CSMD1: variants seen among roughly 807,000 people sequenced by gnomAD.
CSMD1 encodes the protein CUB and Sushi multiple domains 1.
In CSMD1, 213 loss-of-function variants were observed where a neutral mutation model predicts 417.5. The observed-to-expected ratio is 0.51, with a 90% CI of 0.46 to 0.57. The LOEUF is 0.57. Among genes scored for constraint, CSMD1 ranks in the 20% least tolerant of loss-of-function variants. The pLI is 0.00. For synonymous variants in CSMD1, 2,862 were observed against 1,736.8 expected, an observed-to-expected ratio of 1.65 and a Z score of -16.11; for missense variants, 6,923 against 4,529.7, an observed-to-expected ratio of 1.53 and a Z score of -15.17.
intron 16 of CSMD1, among the ~76,000 whole-genome samples, chr8:3,396,671 A>G (rs902303525): frequency 6.6e-6 from 1 of 152,174 alleles, no homozygotes. Flanking sequence ...GAACCAGATT[A>G]GTTTTCTTAG....
At chr8:3,327,021 G>GA (rs372600698) in intron 23 of CSMD1, among the ~76,000 whole-genome samples, 2,262 of 144,582 alleles carry the variant, frequency 0.016, 43 homozygotes, top group African/African-American at 0.043. Flanking sequence ...CCACTAAAAG[G>GA]AAAAAAAAAA....
At chr8:3,716,629 T>A (rs1801857713) in intron 6 of CSMD1, among the ~76,000 whole-genome samples, 1 of 152,172 alleles carries the variant, frequency 6.6e-6, no homozygotes. Flanking sequence ...CTTTATGGCC[T>A]GTGTCTTGTG....
At chr8:3,765,353 G>C (rs1208282136) in intron 5 of CSMD1, among the ~76,000 whole-genome samples, 2 of 152,076 alleles carry the variant, frequency 1.3e-5, no homozygotes, top group Non-Finnish European at 2.9e-5. Context: ...CCCTTCCAGA[G>C]ACCTTTCTCT....
chr8:4,448,482 G>A (rs1476934767), intron 2 of CSMD1, among the ~76,000 whole-genome samples: 5 of 152,164 alleles, frequency 3.3e-5, no homozygotes, highest in South Asian at 2.1e-4. Context: ...CCAGACAACA[G>A]CAGAAAGGAA....
chr8:3,327,067 G>T (rs1368945245), intron 23 of CSMD1, among the ~76,000 whole-genome samples: 2 of 151,054 alleles, frequency 1.3e-5, no homozygotes, highest in Non-Finnish European at 2.9e-5. Context: ...GGTTGGCAAG[G>T]ATTCAATCAC....
chr8:4,469,025 A>G (rs576028874), intron 2 of CSMD1, among the ~76,000 whole-genome samples: 62 of 152,324 alleles, frequency 4.1e-4, no homozygotes, highest in African/African-American at 1.4e-3. Context: ...AGTTCAAAAG[A>G]CAATGCTATA....
At chr8:3,143,278 T>C (rs1439518132) in intron 40 of CSMD1, among the ~76,000 whole-genome samples, 1 of 152,226 alleles carries the variant, frequency 6.6e-6, no homozygotes, top group Non-Finnish European at 1.5e-5. Context: ...AGTTTATTAG[T>C]TTAGCAAGCG....
At chr8:3,604,568 A>G (rs1228550590) in intron 8 of CSMD1, among the ~76,000 whole-genome samples, 1 of 152,202 alleles carries the variant, frequency 6.6e-6, no homozygotes, top group African/African-American at 2.4e-5. Context: ...CTCTAACTTT[A>G]TAAGTATATG....
chr8:3,115,780 T>G (rs1024546397), intron 42 of CSMD1, among the ~76,000 whole-genome samples: 23 of 152,220 alleles, frequency 1.5e-4, no homozygotes, highest in African/African-American at 4.8e-4. Flanking sequence ...CCTTGGGATT[T>G]AGAATTATTT....
intron 37 of CSMD1, among the ~76,000 whole-genome samples, chr8:3,172,140 G>T (rs1205137538): frequency 6.6e-6 from 1 of 152,130 alleles, no homozygotes; most frequent in East Asian, 1.9e-4. Flanking sequence ...AATAAATCCT[G>T]GGCTACAACG....
At chr8:4,974,046 A>T (rs988049618) in intron 1 of CSMD1, among the ~76,000 whole-genome samples, 1 of 152,044 alleles carries the variant, frequency 6.6e-6, no homozygotes, top group African/African-American at 2.4e-5. Context: ...TTTTAGACAG[A>T]GTCTCACCCT....
intron 1 of CSMD1, among the ~76,000 whole-genome samples, chr8:4,778,561 T>C (rs531316390): frequency 1.4e-4 from 21 of 152,310 alleles, no homozygotes; most frequent in Non-Finnish European, 2.5e-4. Flanking sequence ...TACTTCCCGC[T>C]AGGAAGATCA....
In CSMD1 at chr8:4,009,665, G is replaced by A. The variant is rs140287673; in HGVS notation, c.611-11555C>T. ...ACCCACATATGTAATATAATAGCTT[G>A]TAATACTGGGAGATATTATTGAGGA... On this transcript the variant is annotated intron_variant, in intron 4 of 69. Coordinates refer to ENST00000635120, the MANE Select transcript of CSMD1 (RefSeq NM_033225.6). Among the ~76,000 whole-genome samples the A allele has an allele frequency of 6.5e-3, 992 of 152,266 alleles. 14 individuals are homozygous for A. The highest frequency in any genetic ancestry group is 0.023 in the African/African-American group (954 of 41,538).
chr8:3,322,031 G>A (rs920320993), intron 23 of CSMD1, among the ~76,000 whole-genome samples: 17 of 152,182 alleles, frequency 1.1e-4, no homozygotes, highest in African/African-American at 2.9e-4. Context: ...GTGGAAATGT[G>A]TGGTGACGTA....
chr8:4,875,006 C>T (rs1802960835), intron 1 of CSMD1, among the ~76,000 whole-genome samples: 1 of 149,212 alleles, frequency 6.7e-6, no homozygotes, highest in African/African-American at 2.5e-5. Context: ...CCCTTCTTTT[C>T]TTCCTTTTCT....
At chr8:3,917,344 T>C (rs1467047143) in intron 5 of CSMD1, among the ~76,000 whole-genome samples, 1 of 152,082 alleles carries the variant, frequency 6.6e-6, no homozygotes, top group Admixed American at 6.6e-5. Flanking sequence ...TTTGCAAATA[T>C]ACAGTCCACT....
rs76711460 is a variant in CSMD1, at chr8:4,757,502, C to G, written c.86-119944G>C. ...ATAATGAGTACCGCAGCTAGGCACACTGCAAGAGGGAGAACTGGGATTTGC... is the reference window on the plus strand; with the variant it reads ...ATAATGAGTACCGCAGCTAGGCACAGTGCAAGAGGGAGAACTGGGATTTGC... On this transcript the variant is annotated intron_variant, in intron 1 of 69. Transcript: ENST00000635120. Among the ~76,000 whole-genome samples, 308 of 152,270 alleles carry G rather than the reference C, an allele frequency of 2.0e-3. 6 individuals carry two copies. In the East Asian group the frequency reaches 0.051, roughly 25 times the overall value.
Position 4,703,839 on chromosome 8 carries a change from G to A in CSMD1, c.86-66281C>T, listed in dbSNP as rs547476893. Among the ~76,000 whole-genome samples, 3 of 152,270 alleles carry A rather than the reference G, an allele frequency of 2.0e-5. No individual in the cohort carries two copies. The East Asian group carries it at 5.8e-4, about 29-fold the overall frequency. On this transcript the variant is annotated intron_variant, in intron 1 of 69. Transcript: ENST00000635120. ...CCAGCATTTTTGGCACCAGGGACCA[G>A]TTCTCTGGCAGACAATTTTTCCATG...
At chr8:3,384,662 A>T (rs1448681707) in intron 18 of CSMD1, among the ~76,000 whole-genome samples, 4 of 136,532 alleles carry the variant, frequency 2.9e-5, no homozygotes, top group African/African-American at 1.1e-4. Context: ...ATAAATTAAT[A>T]TAGATGCTAT....
Sources: gnomAD v4.1 joint callset for allele counts (sites outside exome capture counted in the v4.1 genomes callset) on GRCh38, gnomAD v4.1.1 for gene constraint, MANE v1.5 for transcripts, NCBI Gene and HGNC (gene_info 2026-07-23, HGNC 2026-07-21) for gene names.